Variants in KCNH1 observed in about 807,000 individuals in gnomAD.
KCNH1 encodes the protein voltage-gated delayed rectifier potassium channel KCNH1.
A neutral mutation model predicts 69.2 loss-of-function variants in KCNH1; 27 were observed. The observed-to-expected ratio is 0.39, with a 90% CI of 0.29 to 0.54. KCNH1 has a LOEUF of 0.54. Ranked by LOEUF, KCNH1 falls within the 20% of genes least tolerant of loss-of-function variation. The pLI, the probability that KCNH1 is intolerant of heterozygous loss-of-function variation, is 0.68. For missense variants in KCNH1, 798 were observed against 1,261.6 expected, an observed-to-expected ratio of 0.63 and a Z score of 5.57; for synonymous variants, 456 against 487.7, an observed-to-expected ratio of 0.93 and a Z score of 0.86.
chr1:211,116,647 G>A (rs951367543), intron 1 of KCNH1, among the ~76,000 whole-genome samples: 13 of 152,248 alleles, frequency 8.5e-5, no homozygotes, highest in African/African-American at 2.9e-4. Context: ...AGAGCAAGAG[G>A]AATCACTCTG....
intron 10 of KCNH1, among the ~76,000 whole-genome samples, chr1:210,706,709 A>G (rs1279296793): frequency 3.9e-5 from 6 of 152,254 alleles, no homozygotes; most frequent in African/African-American, 1.4e-4. Context: ...TTACTAAGTA[A>G]ATAGAAGGCA....
intron 6 of KCNH1, among the ~76,000 whole-genome samples, chr1:210,964,274 G>C (rs977180303): frequency 6.6e-6 from 1 of 152,158 alleles, no homozygotes; most frequent in Non-Finnish European, 1.5e-5. Flanking sequence ...CCTTACAAGA[G>C]CTCCTGAAGG....
intron 1 of KCNH1, among the ~76,000 whole-genome samples, chr1:211,123,659 G>A (rs78751303): frequency 0.016 from 2,428 of 152,276 alleles, 56 homozygotes; most frequent in African/African-American, 0.054. Flanking sequence ...AGAAAGGAGA[G>A]GAGAGAGCGA....
At position 210,680,849 on chromosome 1, in the gene KCNH1, A is replaced by G. The variant is rs537342302; in HGVS notation, c.*2432T>C. 5 of 152,306 alleles carry G rather than the reference A, an allele frequency of 3.3e-5. 1 individual carries two copies. The South Asian group carries it at 1.0e-3, about 32-fold the overall frequency. 9.4% of individuals were successfully genotyped at this position (152,306 alleles called of 1,614,324 possible). On this transcript the variant is annotated 3_prime_UTR_variant, in exon 11 of 11. Transcript: ENST00000271751. ...TGCGCTGATTCACGAGTGCATTCCTAAAGCTACATTCCCCCCAAGAACATG... is the reference window on the plus strand; with the variant it reads ...TGCGCTGATTCACGAGTGCATTCCTGAAGCTACATTCCCCCCAAGAACATG...
At chr1:211,082,199 T>C (rs1415268007) in intron 5 of KCNH1, among the ~76,000 whole-genome samples, 1 of 152,168 alleles carries the variant, frequency 6.6e-6, no homozygotes, top group Non-Finnish European at 1.5e-5. Flanking sequence ...AAAATGTTCA[T>C]GATTATATAA....
chr1:210,957,011 G>A (rs143548371), intron 6 of KCNH1, among the ~76,000 whole-genome samples: 1 of 152,118 alleles, frequency 6.6e-6, no homozygotes, highest in African/African-American at 2.4e-5. Context: ...ATGTTAGGGT[G>A]TCGATTTTAG....
chr1:210,879,438 C>T (rs1686448501), intron 7 of KCNH1, among the ~76,000 whole-genome samples: 1 of 151,834 alleles, frequency 6.6e-6, no homozygotes, highest in African/African-American at 2.4e-5. Context: ...ATATGCAAGG[C>T]CAGTTCAACA....
intron 6 of KCNH1, among the ~76,000 whole-genome samples, chr1:210,980,318 C>T (rs555922674): frequency 2.6e-5 from 4 of 152,224 alleles, no homozygotes; most frequent in African/African-American, 7.2e-5. Flanking sequence ...AAAAGATCAC[C>T]TGTGTAATGG....
intron 10 of KCNH1, among the ~76,000 whole-genome samples, chr1:210,774,104 G>C (rs1163989776): frequency 6.6e-6 from 1 of 152,104 alleles, no homozygotes; most frequent in Non-Finnish European, 1.5e-5. Context: ...CGGGGCTCAG[G>C]GGTTAAGTTT....
At chr1:211,084,090 GTTGGC>G (rs1464012458) in intron 4 of KCNH1, among the ~76,000 whole-genome samples, 1 of 152,176 alleles carries the variant, frequency 6.6e-6, no homozygotes, top group African/African-American at 2.4e-5. Flanking sequence ...AACTGCTGGG[GTTGGC>G]TTGAAAAGAT....
intron 5 of KCNH1, among the ~76,000 whole-genome samples, chr1:211,078,735 A>C (rs1470060447): frequency 6.6e-6 from 1 of 152,104 alleles, no homozygotes; most frequent in Non-Finnish European, 1.5e-5. Context: ...AAACAAATTC[A>C]AAAGCTAGCA....
chr1:210,917,229 G>GAGAGAGAGAAAGAAAGAA (rs1430374011), intron 7 of KCNH1, among the ~76,000 whole-genome samples: 26 of 78,862 alleles, frequency 3.3e-4, no homozygotes, highest in African/African-American at 8.3e-4. Context: ...GAGAGAGAGA[G>GAGAGAGAGAAAGAAAGAA]AGAAAGAAAG....
At chr1:211,114,275 G>A (rs182776670) in intron 1 of KCNH1, among the ~76,000 whole-genome samples, 83 of 152,202 alleles carry the variant, frequency 5.5e-4, no homozygotes, top group African/African-American at 1.9e-3. Context: ...CATCTTAGAA[G>A]CAATGAGGTG....
rs11582507 is a variant in KCNH1 at position 211,018,552 on chromosome 1, G to A, written c.1032+231C>T. 0.33 allele frequency among the ~76,000 whole-genome samples: 50,196 copies of A among 152,036 alleles called. 8,713 individuals are homozygous for A. The highest frequency in any genetic ancestry group is 0.38 in the Non-Finnish European group (25,766 of 67,930). ...CCTGAACCAGTGGCTTACATTCCAC[G>A]TGGAGTAGGAGTAAGCCTTTGGTCT... On this transcript the variant is annotated intron_variant, in intron 6 of 10. Coordinates refer to ENST00000271751, the MANE Select transcript of KCNH1 (RefSeq NM_172362.3).
intron 6 of KCNH1, among the ~76,000 whole-genome samples, chr1:211,005,115 G>T (rs1308092676): frequency 6.6e-6 from 1 of 151,978 alleles, no homozygotes; most frequent in Non-Finnish European, 1.5e-5. Context: ...ATATCTTACA[G>T]ACATTAAAAG....
chr1:210,769,310 T>G (rs1683706054), intron 10 of KCNH1, among the ~76,000 whole-genome samples: 1 of 152,188 alleles, frequency 6.6e-6, no homozygotes, highest in African/African-American at 2.4e-5. Flanking sequence ...ATTCAATGCT[T>G]TCATCTTCTC....
intron 7 of KCNH1, among the ~76,000 whole-genome samples, chr1:210,869,092 T>C (rs1686179645): frequency 6.6e-6 from 1 of 152,120 alleles, no homozygotes; most frequent in Admixed American, 6.6e-5. Flanking sequence ...AGACGTCATG[T>C]CATTTTCTTC....
intron 10 of KCNH1, among the ~76,000 whole-genome samples, chr1:210,738,616 G>A (rs1682941728): frequency 1.5e-5 from 2 of 134,602 alleles, no homozygotes; most frequent in African/African-American, 5.7e-5. Flanking sequence ...CTAGGCTCCG[G>A]TGCCGTGGCA....
At chr1:211,023,599 A>G (rs1689629661) in intron 5 of KCNH1, among the ~76,000 whole-genome samples, 1 of 152,004 alleles carries the variant, frequency 6.6e-6, no homozygotes, top group Admixed American at 6.6e-5. Flanking sequence ...GAGAGCTAAA[A>G]AAGCTGACCT....
Sources: allele counts gnomAD v4.1 joint callset (sites outside exome capture counted in the v4.1 genomes callset), GRCh38; gene constraint gnomAD v4.1.1; transcripts MANE v1.5; gene names NCBI Gene and HGNC (gene_info 2026-07-23, HGNC 2026-07-21).